Variants in ZMYM2 observed in about 807,000 individuals in gnomAD.
ZMYM2 encodes zinc finger MYM-type protein 2.
In ZMYM2, 56 loss-of-function variants were observed where a neutral mutation model predicts 162.8. The observed-to-expected ratio is 0.34, with a 90% CI of 0.28 to 0.43. The LOEUF (loss-of-function observed/expected upper bound fraction) is 0.43. ZMYM2 is among the 20% of genes least tolerant of loss of function. The pLI, the probability that ZMYM2 is intolerant of heterozygous loss-of-function variation, is 1.00. For missense variants in ZMYM2, 1,275 were observed against 1,621.8 expected, an observed-to-expected ratio of 0.79 and a Z score of 3.67; for synonymous variants, 510 against 541.6, an observed-to-expected ratio of 0.94 and a Z score of 0.81.
chr13:20,049,401 A>C (rs763822350), intron 12 of ZMYM2, among the ~76,000 whole-genome samples: 1 of 151,970 alleles, frequency 6.6e-6, no homozygotes, highest in Non-Finnish European at 1.5e-5. Context: ...GAATGTGTTT[A>C]ATTTTATGCC....
At chr13:19,932,435 G>A in the ZMYM2 span, among the ~76,000 whole-genome samples, 10 of 152,126 alleles carry the variant, frequency 6.6e-5, no homozygotes, top group African/African-American at 2.4e-4. Context: ...AACATTTGAG[G>A]TCAGGAGTTC....
intron 2 of ZMYM2, among the ~76,000 whole-genome samples, chr13:19,972,285 T>G (rs1428776027): frequency 6.6e-6 from 1 of 152,214 alleles, no homozygotes; most frequent in Non-Finnish European, 1.5e-5. Context: ...GATTTGTGGC[T>G]AAATTGTAAG....
chr13:19,873,006 AAAT>A, the ZMYM2 span, among the ~76,000 whole-genome samples: 479 of 151,772 alleles, frequency 3.2e-3, 5 homozygotes, highest in Middle Eastern at 0.01. Context: ...CCCCAAAAAA[AAAT>A]AAATAAATAA....
chr13:19,911,948 C>G, the ZMYM2 span, among the ~76,000 whole-genome samples: 3 of 152,256 alleles, frequency 2.0e-5, 1 homozygote, highest in African/African-American at 7.2e-5. Context: ...GGTGGTGATT[C>G]CCACCACACC....
At chr13:19,963,029 A>G (rs947868609) in intron 2 of ZMYM2, among the ~76,000 whole-genome samples, 11 of 150,888 alleles carry the variant, frequency 7.3e-5, no homozygotes, top group African/African-American at 2.7e-4. Context: ...AGTAGAGACA[A>G]GGTTTCACCA....
intron 6 of ZMYM2, among the ~76,000 whole-genome samples, chr13:20,014,265 G>C (rs574211770): frequency 6.6e-6 from 1 of 152,148 alleles, no homozygotes; most frequent in South Asian, 2.1e-4. Flanking sequence ...GTAGAGATGG[G>C]GTTTCACCAT....
the ZMYM2 span, among the ~76,000 whole-genome samples, chr13:19,919,933 A>G: frequency 6.6e-6 from 1 of 151,966 alleles, no homozygotes; most frequent in Non-Finnish European, 1.5e-5. Flanking sequence ...TCAGCCTCCC[A>G]AAGTGCTGGG....
chr13:19,886,932 G>C, the ZMYM2 span, among the ~76,000 whole-genome samples: 1 of 151,786 alleles, frequency 6.6e-6, no homozygotes, highest in Non-Finnish European at 1.5e-5. Flanking sequence ...AAAGTGATGG[G>C]ATTACAGACA....
At position 20,012,345 on chromosome 13, in the gene ZMYM2, T is replaced by C. The variant is rs956023885; in HGVS notation, c.1512+5759T>C. Among the ~76,000 whole-genome samples the C allele has an allele frequency of 5.3e-5, 8 of 151,774 alleles. No individual in the cohort carries two copies. The East Asian group carries it at 1.0e-3, about 19-fold the overall frequency. On this transcript the variant is annotated intron_variant, in intron 6 of 24. Coordinates refer to ENST00000610343, the MANE Select transcript of ZMYM2 (RefSeq NM_197968.4). ...CATAGGCCACCATGTCCCACTAATT[T>C]TTGTATTTTTTTTTAGTAGAGTTGG...
rs2140410104 is a variant in ZMYM2, at chr13:20,039,957, G to A, written c.2292+3048G>A. 1.3e-5 allele frequency among the ~76,000 whole-genome samples: 2 copies of A among 152,252 alleles called. 1 individual carries two copies. Among genetic ancestry groups the A allele is most frequent in the South Asian group, 4.1e-4 (2 of 4,828 alleles). On this transcript the variant is annotated intron_variant, in intron 12 of 24. Transcript: ENST00000610343. ...GAGCCTACTTGATCATGGTGAATAA[G>A]CCTTTTCGATGTGCTGCTGGATTTG...
the ZMYM2 span, among the ~76,000 whole-genome samples, chr13:19,896,631 C>T: frequency 6.6e-6 from 1 of 150,662 alleles, no homozygotes; most frequent in Non-Finnish European, 1.5e-5. Context: ...GTGGAGGGCG[C>T]CTGTAGTCCC....
chr13:20,030,061 C>G (rs986934554), intron 9 of ZMYM2, among the ~76,000 whole-genome samples: 1 of 151,850 alleles, frequency 6.6e-6, no homozygotes, highest in Non-Finnish European at 1.5e-5. Flanking sequence ...TCCCAAAGTA[C>G]TGGGATTACA....
chr13:19,892,263 TTTTA>T, the ZMYM2 span, among the ~76,000 whole-genome samples: 1 of 151,322 alleles, frequency 6.6e-6, no homozygotes, highest in Non-Finnish European at 1.5e-5. Context: ...ATTTATTTAT[TTTTA>T]TTTATTTATT....
chr13:19,914,871 G>A, the ZMYM2 span, among the ~76,000 whole-genome samples: 1 of 152,226 alleles, frequency 6.6e-6, no homozygotes, highest in East Asian at 1.9e-4. Context: ...CATCTAAGTG[G>A]CGATACTTTC....
rs1398473673 is a variant in ZMYM2, at chr13:20,087,793, C to T, written c.*1779C>T. 2 of 186,974 alleles carry T rather than the reference C, an allele frequency of 1.1e-5. No homozygotes were observed. The highest frequency in any genetic ancestry group is 4.7e-5 in the African/African-American group (2 of 42,740). 11.6% of individuals were successfully genotyped at this position (186,974 alleles called of 1,614,324 possible). On this transcript the variant is annotated 3_prime_UTR_variant, in exon 25 of 25. Coordinates refer to ENST00000610343, the MANE Select transcript of ZMYM2 (RefSeq NM_197968.4). ...GATCATACATTACTAAAATAGATTG[C>T]TGATTGTCTATTTAACGAAGACAAG... is the stretch of plus-strand genomic sequence containing the variant.
chr13:19,909,363 A>T, the ZMYM2 span, among the ~76,000 whole-genome samples: 8 of 151,940 alleles, frequency 5.3e-5, no homozygotes, highest in Admixed American at 2.0e-4. Flanking sequence ...GAAAACCAGT[A>T]ACTTTCCTTC....
chr13:19,922,712 T>C, the ZMYM2 span, among the ~76,000 whole-genome samples: 23 of 151,850 alleles, frequency 1.5e-4, no homozygotes, highest in Admixed American at 6.6e-4. Flanking sequence ...GGCGTGGTGG[T>C]GGGCGCCTGT....
chr13:20,080,868 C>T (rs1028248369), intron 21 of ZMYM2, among the ~76,000 whole-genome samples: 1 of 152,178 alleles, frequency 6.6e-6, no homozygotes, highest in African/African-American at 2.4e-5. Flanking sequence ...TACATGGTTA[C>T]AGGTCATGCT....
rs1304097591 is a variant in ZMYM2 at position 19,993,740 on chromosome 13, C to T, written c.668C>T (p.Thr223Ile). 1.5e-5 allele frequency: 24 copies of T among 1,614,008 alleles called. No individual in the cohort carries two copies. The highest frequency in any genetic ancestry group is 2.0e-5 in the Non-Finnish European group (24 of 1,179,926). The change falls in exon 3 of 25, where the codon ACC becomes ATC. Residue 223 changes from threonine (T) to isoleucine (I), a missense_variant. Thr to Ile is a moderately conservative substitution (Grantham distance 89). Coordinates refer to ENST00000610343, the MANE Select transcript of ZMYM2 (RefSeq NM_197968.4). Reference protein sequence around the residue: ...MITHVTSLQNTNLGDVSNGLQ... With the variant: ...MITHVTSLQNINLGDVSNGLQ... ...ACACATGTAACATCACTGCAGAATA[C>T]CAACTTGGGAGATGTCTCTAACGGA...
Sources: gnomAD v4.1 joint callset for allele counts (sites outside exome capture counted in the v4.1 genomes callset) on GRCh38, gnomAD v4.1.1 for gene constraint, MANE v1.5 for transcripts, NCBI Gene and HGNC (gene_info 2026-07-23, HGNC 2026-07-21) for gene names.